The following RASGRP1 variants were observed in gnomAD, a reference collection of about 807,000 sequenced individuals.
RASGRP1 encodes RAS guanyl releasing protein 1.
RASGRP1 carries 37 observed loss-of-function variants against 95.1 expected under a neutral mutation model. That is an observed-to-expected ratio of 0.39 (90% confidence interval 0.30 to 0.51). RASGRP1 has a LOEUF of 0.51. RASGRP1 is among the 20% of genes least tolerant of loss of function. The pLI, the probability that RASGRP1 is intolerant of heterozygous loss-of-function variation, is 0.80. For missense variants in RASGRP1, 711 were observed against 965.4 expected, an observed-to-expected ratio of 0.74 and a Z score of 3.49; for synonymous variants, 325 against 353.4, an observed-to-expected ratio of 0.92 and a Z score of 0.90.
At chr15:38,503,184 C>T (rs1891107465) in intron 11 of RASGRP1, 88 bp downstream of exon 11, 4 of 1,064,300 alleles carry the variant, frequency 3.8e-6, no homozygotes, top group Middle Eastern at 2.0e-4. Flanking sequence ...TACATTTCCA[C>T]CATTGTGCTT....
chr15:38,500,171 T>C, intron 13 of RASGRP1, 32 bp from the exon 14 acceptor site: 1 of 1,609,516 alleles, frequency 6.2e-7, no homozygotes, highest in Non-Finnish European at 8.5e-7. Context: ...GCACCACATG[T>C]CATTCATCCA....
chr15:38,540,129 TGTTGCCCAGGCTGGTCTTGAACTCCTGG>T (rs1361646052), intron 2 of RASGRP1, among the ~76,000 whole-genome samples: 1 of 152,048 alleles, frequency 6.6e-6, no homozygotes, highest in Non-Finnish European at 1.5e-5. Flanking sequence ...GGTCCTGCTG[TGTTGCCCAGGCTGGTCTTGAACTCCTGG>T]GCTCAAGCGA....
At chr15:38,546,227 AT>A (rs202138336) in intron 2 of RASGRP1, among the ~76,000 whole-genome samples, 1 of 148,642 alleles carries the variant, frequency 6.7e-6, no homozygotes, top group African/African-American at 2.6e-5. Context: ...TTATTTATTT[AT>A]TTATTTTTGA....
At chr15:38,492,517 T>G (rs1890626249) in intron 16 of RASGRP1, among the ~76,000 whole-genome samples, 1 of 152,184 alleles carries the variant, frequency 6.6e-6, no homozygotes, top group African/African-American at 2.4e-5. Context: ...GTTTTGTGTT[T>G]GCACTGACAG....
chr15:38,554,162 G>A (rs1226896725), intron 2 of RASGRP1, among the ~76,000 whole-genome samples: 1 of 152,212 alleles, frequency 6.6e-6, no homozygotes, highest in South Asian at 2.1e-4. Flanking sequence ...GAAAGAACGC[G>A]AACCTCGGGG....
intron 12 of RASGRP1, 165 bp from the exon 13 acceptor site, chr15:38,501,452 T>A: frequency 1.2e-6 from 1 of 846,568 alleles, no homozygotes; most frequent in Non-Finnish European, 1.9e-6. Context: ...TTAACAAGGA[T>A]ACAAGATGAC....
intron 15 of RASGRP1, among the ~76,000 whole-genome samples, chr15:38,497,848 G>A (rs973486622): frequency 6.6e-6 from 1 of 152,098 alleles, no homozygotes; most frequent in African/African-American, 2.4e-5. Flanking sequence ...TGAATGTTTT[G>A]TCTCAGTCCT....
intron 16 of RASGRP1, among the ~76,000 whole-genome samples, chr15:38,494,122 G>GC (rs1890701517): frequency 6.6e-6 from 1 of 152,194 alleles, no homozygotes; most frequent in Non-Finnish European, 1.5e-5. Flanking sequence ...GTGATAGGGA[G>GC]CCCTGTATAG....
chr15:38,504,483 C>G (rs1212388945), intron 10 of RASGRP1: 1 of 152,154 alleles, frequency 6.6e-6, no homozygotes, highest in Non-Finnish European at 1.5e-5. Flanking sequence ...CAATTACACT[C>G]ATTGGCCTAT....
rs967905 is a variant in RASGRP1 at position 38,560,855 on chromosome 15, A to C, written c.36-850T>G. ...CAAGTTTGGATCTAGAAATGGCTTAAGAGTCCAATGGACTTTCATCTACTC... is the reference window on the plus strand; with the variant it reads ...CAAGTTTGGATCTAGAAATGGCTTACGAGTCCAATGGACTTTCATCTACTC... On this transcript the variant is annotated intron_variant, in intron 1 of 16. Transcript: ENST00000310803. Among the ~76,000 whole-genome samples the C allele has an allele frequency of 2.1e-3, 322 of 152,354 alleles. 4 individuals are homozygous for C. The highest frequency in any genetic ancestry group is 7.2e-3 in the African/African-American group (301 of 41,576).
chr15:38,548,835 G>C (rs1893210953), intron 2 of RASGRP1, among the ~76,000 whole-genome samples: 1 of 152,198 alleles, frequency 6.6e-6, no homozygotes, highest in African/African-American at 2.4e-5. Context: ...TTTTGAGGGT[G>C]CACTTTCTCA....
At chr15:38,542,158 A>G (rs755123304) in intron 2 of RASGRP1, among the ~76,000 whole-genome samples, 7 of 152,156 alleles carry the variant, frequency 4.6e-5, no homozygotes, top group Non-Finnish European at 1.0e-4. Context: ...TGTCACTGCA[A>G]TCCAGCTTGG....
At chr15:38,554,075 G>A (rs1309389760) in intron 2 of RASGRP1, among the ~76,000 whole-genome samples, 1 of 152,184 alleles carries the variant, frequency 6.6e-6, no homozygotes, top group Non-Finnish European at 1.5e-5. Context: ...CTCTGGGGTT[G>A]ACTGTGAGGA....
Position 38,489,933 on chromosome 15 carries a change from C to A in RASGRP1, c.*621G>T, listed in dbSNP as rs1890505787. On this transcript the variant is annotated 3_prime_UTR_variant, in exon 17 of 17. Coordinates refer to ENST00000310803, the MANE Select transcript of RASGRP1 (RefSeq NM_005739.4). ...AAGTTGACCTGCAATTGGATAACGT[C>A]ATGTTTAATAGGCCTCTAAAAAGTT... is the stretch of plus-strand genomic sequence containing the variant. 6.6e-6 allele frequency: 1 copy of A among 152,316 alleles called. No individual in the cohort carries two copies. The highest frequency in any genetic ancestry group is 1.5e-5 in the Non-Finnish European group (1 of 67,894). The allele number at this position is 152,316 out of a possible 1,614,324, so 9.4% of individuals were successfully genotyped here.
chr15:38,511,714 G>A lies in RASGRP1; in HGVS notation c.856C>T (p.His286Tyr). ...AGTGTATTGAAGTTCTGTAGTTGGT[G>A]GAGCTTCTGTGACACAGAAGACAGA... Reference protein sequence around the residue: ...IKFIQVAQKLHQLQNFNTLMA... With the variant: ...IKFIQVAQKLYQLQNFNTLMA... The change falls in exon 8 of 17, where the codon CAC becomes TAC. Residue 286 changes from histidine to tyrosine, a missense_variant. Around this residue, in one of 3 missense-constraint regions of RASGRP1, gnomAD observed 491 missense variants for 676.6 expected, o/e 0.73. Coordinates refer to ENST00000310803, the MANE Select transcript of RASGRP1 (RefSeq NM_005739.4). 1 of 1,612,612 alleles carries A rather than the reference G, an allele frequency of 6.2e-7. No individual in the cohort carries two copies.
At chr15:38,525,408 C>A (rs1321674547) in intron 3 of RASGRP1, among the ~76,000 whole-genome samples, 1 of 152,134 alleles carries the variant, frequency 6.6e-6, no homozygotes, top group Non-Finnish European at 1.5e-5. Context: ...GTTTAAAATT[C>A]TCTGCAGAAG....
chr15:38,502,411 T>C lies in RASGRP1; in HGVS notation c.1439A>G (p.Lys480Arg), dbSNP rs774426499. The change falls in exon 12 of 17, where the codon AAG becomes AGG. Residue 480 changes from lysine to arginine, a missense_variant. Lys to Arg is a conservative substitution (Grantham distance 26, BLOSUM62 2). Coordinates refer to ENST00000310803, the MANE Select transcript of RASGRP1 (RefSeq NM_005739.4). ...HVQRMVDSVF[K>R]NYDHDQDGYI... is the part of the protein sequence containing the mutation. ...TCCATCCTGGTCGTGATCATAGTTCTTGAAGACAGACTGTGAAAAAGGAGT... is the reference window on the plus strand; with the variant it reads ...TCCATCCTGGTCGTGATCATAGTTCCTGAAGACAGACTGTGAAAAAGGAGT... 6.3e-7 allele frequency: 1 copy of C among 1,588,604 alleles called. No individual in the cohort carries two copies. Among genetic ancestry groups the C allele is most frequent in the Non-Finnish European group, 8.6e-7 (1 of 1,157,302 alleles).
At chr15:38,527,474 A>T (rs959846879) in intron 2 of RASGRP1, among the ~76,000 whole-genome samples, 1 of 152,142 alleles carries the variant, frequency 6.6e-6, no homozygotes, top group Non-Finnish European at 1.5e-5. Flanking sequence ...CAAGGGTGGT[A>T]ATGACTCCTG....
intron 2 of RASGRP1, among the ~76,000 whole-genome samples, chr15:38,551,730 A>G (rs1893346760): frequency 6.6e-6 from 1 of 152,220 alleles, no homozygotes; most frequent in Non-Finnish European, 1.5e-5. Context: ...AAATGCCTAT[A>G]GTAAATGATA....
Sources: allele counts gnomAD v4.1 joint callset (sites outside exome capture counted in the v4.1 genomes callset), GRCh38; gene constraint gnomAD v4.1.1; regional missense constraint gnomAD v4.1.1; transcripts MANE v1.5; gene names NCBI Gene and HGNC (gene_info 2026-07-23, HGNC 2026-07-21).